TCF4: variants seen among roughly 807,000 people sequenced by gnomAD.
TCF4 encodes transcription factor 4.
Under a neutral mutation model 82.1 loss-of-function variants are expected in TCF4, and 3 were observed. That is an observed-to-expected ratio of 0.04 (90% CI 0.02 to 0.09). The LOEUF (loss-of-function observed/expected upper bound fraction) is 0.09. TCF4 is among the 10% of genes least tolerant of loss of function. The pLI, the probability that TCF4 is intolerant of heterozygous loss-of-function variation, is 1.00. For synonymous variants in TCF4, 276 were observed against 309.6 expected (o/e 0.89, Z 1.14); for missense variants, 518 against 852.7 (o/e 0.61, Z 4.89).
chr18:55,609,177 C>T (rs9951819), intron 2 of TCF4, among the ~76,000 whole-genome samples: 4,828 of 152,198 alleles, frequency 0.032, 248 homozygotes, highest in African/African-American at 0.11. Context: ...AGATGTTTGT[C>T]GTTTAAGCCA....
At chr18:55,571,378 C>T (rs2097465089) in intron 3 of TCF4, among the ~76,000 whole-genome samples, 1 of 152,070 alleles carries the variant, frequency 6.6e-6, no homozygotes, top group African/African-American at 2.4e-5. Context: ...ATGCCAGTCA[C>T]AATACTACTT....
chr18:55,572,146 G>A (rs769801812), intron 3 of TCF4, among the ~76,000 whole-genome samples: 10 of 151,986 alleles, frequency 6.6e-5, no homozygotes, highest in South Asian at 2.1e-4. Flanking sequence ...CAGCACCCTC[G>A]TTTGAAGGAC....
chr18:55,414,219 AAAGT>A (rs1363697223), intron 5 of TCF4, among the ~76,000 whole-genome samples: 3 of 152,222 alleles, frequency 2.0e-5, no homozygotes, highest in African/African-American at 7.2e-5. Flanking sequence ...ATGTTAAATC[AAAGT>A]AAGTAAAGAC....
intron 6 of TCF4, 22 bp from the exon 7 acceptor site, chr18:55,351,025 A>G (rs1276252862): frequency 6.2e-7 from 1 of 1,612,880 alleles, no homozygotes; most frequent in East Asian, 2.2e-5. Flanking sequence ...AAAAGGGAAA[A>G]CAAACATATA....
intron 2 of TCF4, among the ~76,000 whole-genome samples, chr18:55,622,664 C>T (rs1449142080): frequency 6.6e-6 from 1 of 152,094 alleles, no homozygotes; most frequent in Non-Finnish European, 1.5e-5. Context: ...AGCAAGTGAT[C>T]CGCCCAAAGT....
At chr18:55,624,355 G>C (rs2097724432) in intron 2 of TCF4, among the ~76,000 whole-genome samples, 2 of 152,016 alleles carry the variant, frequency 1.3e-5, no homozygotes, top group Admixed American at 6.5e-5. Context: ...AGGGACACAA[G>C]GCTGCCTTCC....
chr18:55,400,614 T>C (rs1415291367), intron 6 of TCF4, among the ~76,000 whole-genome samples: 10 of 152,212 alleles, frequency 6.6e-5, no homozygotes, highest in Admixed American at 3.9e-4. Flanking sequence ...TGCTAAAATA[T>C]ATCCATTTAA....
chr18:55,512,935 C>A (rs770780917), intron 3 of TCF4, among the ~76,000 whole-genome samples: 3 of 152,088 alleles, frequency 2.0e-5, no homozygotes, highest in Non-Finnish European at 2.9e-5. Flanking sequence ...AGGCAGGATA[C>A]TGAGCAAATA....
intron 6 of TCF4, among the ~76,000 whole-genome samples, chr18:55,362,621 A>T (rs964104804): frequency 1.3e-5 from 2 of 152,212 alleles, no homozygotes; most frequent in African/African-American, 4.8e-5. Context: ...AAACATTATA[A>T]CCAGCCTTAA....
At chr18:55,335,316 T>G (rs895466244) in intron 8 of TCF4, among the ~76,000 whole-genome samples, 1 of 152,240 alleles carries the variant, frequency 6.6e-6, no homozygotes, top group African/African-American at 2.4e-5. Context: ...CTAAATAATT[T>G]AATGTAATAT....
intron 5 of TCF4, among the ~76,000 whole-genome samples, chr18:55,418,701 TC>T (rs1286440304): frequency 1.3e-5 from 2 of 152,194 alleles, no homozygotes; most frequent in African/African-American, 4.8e-5. Flanking sequence ...AAGAGTCACA[TC>T]TTTTGCCCAG....
chr18:55,502,534 A>G lies in TCF4; in HGVS notation c.146-38397T>C, dbSNP rs114609074. ...ACAAAGCAGCTCAATAAACAAGATC[A>G]TACAAATCTAATACACCCAAGTCAC... On this transcript the variant is annotated intron_variant, in intron 3 of 19. Coordinates refer to ENST00000354452, the MANE Select transcript of TCF4 (RefSeq NM_001083962.2). Among the ~76,000 whole-genome samples the G allele has an allele frequency of 8.8e-3, 1,339 of 152,334 alleles. 27 individuals carry two copies. Among genetic ancestry groups the G allele is most frequent in the African/African-American group, 0.03 (1,247 of 41,568 alleles).
At chr18:55,464,002 G>A (rs75172903) in intron 4 of TCF4, 74 bp downstream of exon 4, 12 of 1,343,106 alleles carry the variant, frequency 8.9e-6, no homozygotes, top group Admixed American at 3.4e-5. Context: ...GAGAGAGAGA[G>A]AAACACACCT....
At chr18:55,622,325 G>C (rs902898904) in intron 2 of TCF4, among the ~76,000 whole-genome samples, 1 of 150,802 alleles carries the variant, frequency 6.6e-6, no homozygotes. Context: ...TGCCCAACAG[G>C]GTGAAACCCC....
chr18:55,278,398 C>T (rs2061875132), intron 9 of TCF4, among the ~76,000 whole-genome samples: 1 of 152,144 alleles, frequency 6.6e-6, no homozygotes, highest in Non-Finnish European at 1.5e-5. Context: ...CATCTAAATT[C>T]AGGGCATTAA....
At chr18:55,254,391 TA>T in intron 15 of TCF4, 105 bp downstream of exon 15, 6 of 1,080,180 alleles carry the variant, frequency 5.6e-6, no homozygotes, top group Non-Finnish European at 8.3e-6. Context: ...TTAAGTGAAT[TA>T]TATCTCAATA....
intron 3 of TCF4, chr18:55,496,374 C>A (rs1351193080): frequency 2.5e-4 from 37 of 149,714 alleles, no homozygotes; most frequent in African/African-American, 8.8e-4. Context: ...ATTGCATATT[C>A]AATACCTATG....
intron 5 of TCF4, among the ~76,000 whole-genome samples, chr18:55,424,092 C>T (rs777335098): frequency 6.6e-5 from 10 of 152,170 alleles, no homozygotes; most frequent in African/African-American, 9.7e-5. Flanking sequence ...GGCACCCCAA[C>T]TGTCTGCCAT....
At chr18:55,322,410 G>A (rs1258094156) in intron 8 of TCF4, 1 of 907,764 alleles carries the variant, frequency 1.1e-6, no homozygotes, top group Non-Finnish European at 1.3e-6. Flanking sequence ...GAAAGGGGAG[G>A]GAAAGGGGAG....
Sources: allele counts gnomAD v4.1 joint callset (sites outside exome capture counted in the v4.1 genomes callset), GRCh38; gene constraint gnomAD v4.1.1; transcripts MANE v1.5; gene names NCBI Gene and HGNC (gene_info 2026-07-23, HGNC 2026-07-21).